PIEZO1: variants seen among roughly 807,000 people sequenced by gnomAD.
The protein encoded by PIEZO1 is piezo-type mechanosensitive ion channel component 1.
A neutral mutation model predicts 297.2 loss-of-function variants in PIEZO1; 296 were observed. The ratio of observed to expected loss-of-function variants is 1.00; its 90% CI spans 0.91 to 1.10. The LOEUF (loss-of-function observed/expected upper bound fraction) is 1.10. Ranked by LOEUF, PIEZO1 falls within the 50% of genes least tolerant of loss-of-function variation. The pLI is 0.00. For missense variants in PIEZO1, 5,018 were observed against 3,455.5 expected (o/e 1.45, Z -11.34); for synonymous variants, 2,427 against 1,507.5 (o/e 1.61, Z -14.13).
intron 2 of PIEZO1, chr16:88,743,896 T>TGGGAAGGAGGAATGGAAAACCGTCC: frequency 3.3e-6 from 1 of 303,506 alleles, no homozygotes; most frequent in South Asian, 2.6e-5. Context: ...GCAGGGAGAG[T>TGGGAAGGAGGAATGGAAAACCGTCC]GGGAAGGAGG....
At chr16:88,720,345 G>C (rs960957506) in intron 41 of PIEZO1, 40 bp downstream of exon 41, 1 of 1,550,134 alleles carries the variant, frequency 6.5e-7, no homozygotes, top group Non-Finnish European at 8.7e-7. Flanking sequence ...TGGCTGCTGA[G>C]CTCTGCGTAC....
chr16:88,730,988 GC>G (rs1194298021), intron 22 of PIEZO1, among the ~76,000 whole-genome samples: 1 of 151,450 alleles, frequency 6.6e-6, no homozygotes, highest in Non-Finnish European at 1.5e-5. Flanking sequence ...CAGGTGGGAC[GC>G]CCCTGAGCCG....
In PIEZO1 at chr16:88,721,733, G is replaced by A; in HGVS notation, c.5215-7C>T. 7 of 1,538,178 alleles carry A rather than the reference G, an allele frequency of 4.6e-6. No homozygotes were observed. The highest frequency in any genetic ancestry group is 1.2e-5 in the South Asian group (1 of 83,406). On this transcript the variant is annotated splice_polypyrimidine_tract_variant and splice_region_variant and intron_variant, in intron 37 of 50. Coordinates refer to ENST00000301015, the MANE Select transcript of PIEZO1 (RefSeq NM_001142864.4). ...ACTTGACGACCACCGCGATCTGTGG[G>A]GGAGGGGGCTCAGCACGCGGGGAGG... is the stretch of plus-strand genomic sequence containing the variant.
Position 88,721,918 on chromosome 16 carries a change from T to C in PIEZO1, c.5104A>G (p.Thr1702Ala), listed in dbSNP as rs1007749532. 3 of 1,550,048 alleles carry C rather than the reference T, an allele frequency of 1.9e-6. No individual in the cohort carries two copies. In the African/African-American group the frequency reaches 4.1e-5, roughly 21 times the overall value. ...YFIIILNHMV[T>A]ASAGSLVLPV... ...AGCACCAGCGAGCCGGCGGAGGCCG[T>C]GACCATGTGGTTGAGGATGATGATG... Residue 1702 changes from threonine (T) to alanine (A), a missense_variant, in exon 37 of 51, where the codon ACG becomes GCG. Coordinates refer to ENST00000301015, the MANE Select transcript of PIEZO1 (RefSeq NM_001142864.4).
At chr16:88,719,135 C>T (rs1035521895) in intron 44 of PIEZO1, 12 of 199,858 alleles carry the variant, frequency 6.0e-5, no homozygotes, top group Non-Finnish European at 9.4e-5. Context: ...AGGGGTGAGC[C>T]GCTGTGCCCG....
chr16:88,727,445 C>T lies in PIEZO1; in HGVS notation c.3301+112G>A, dbSNP rs902437795. On this transcript the variant is annotated intron_variant, in intron 23 of 50. Coordinates refer to ENST00000301015, the MANE Select transcript of PIEZO1 (RefSeq NM_001142864.4). Reference sequence around the variant, plus strand: ...TCAGGGCCTGCAGGCCGCCATGTGCCTGACCACACCTCCGCCCGTGCACGC... The same window carrying T: ...TCAGGGCCTGCAGGCCGCCATGTGCTTGACCACACCTCCGCCCGTGCACGC... The T allele has an allele frequency of 2.5e-5, 16 of 644,588 alleles. No homozygotes were observed. The South Asian group carries it at 3.1e-4, about 13-fold the overall frequency. The allele number at this position is 644,588 out of a possible 1,614,324, so 39.9% of individuals were successfully genotyped here.
intron 27 of PIEZO1, 48 bp downstream of exon 27, chr16:88,726,236 C>T: frequency 6.7e-7 from 1 of 1,487,684 alleles, no homozygotes; most frequent in Non-Finnish European, 9.0e-7. Flanking sequence ...ATTGCCCCCT[C>T]CCAGCCCCAA....
intron 17 of PIEZO1, 63 bp from the exon 18 acceptor site, chr16:88,733,808 G>C: frequency 1.4e-6 from 2 of 1,472,044 alleles, no homozygotes. Flanking sequence ...CTGTGAGGAA[G>C]AGGCTCTGGA....
In PIEZO1 at chr16:88,721,656, C is replaced by T. The variant is rs767483546; in HGVS notation, c.5285G>A (p.Arg1762His). 50 of 1,549,912 alleles carry T rather than the reference C, an allele frequency of 3.2e-5. No individual in the cohort carries two copies. The Middle Eastern group carries it at 5.0e-4, about 15-fold the overall frequency. ...FPWNSHVVLR[R>H]YENKPYFPPR... ...CGGGAAGTAGGGCTTGTTCTCGTAG[C>T]GCCGCAGCACCACGTGGCTGTTCCA... The change falls in exon 38 of 51, where the codon CGC becomes CAC. Residue 1762 changes from arginine to histidine, a missense_variant. By Grantham distance (29) the Arg-to-His change is conservative. Transcript: ENST00000301015.
At position 88,716,593 on chromosome 16, in the gene PIEZO1, C is replaced by A. The variant is rs760099159; in HGVS notation, c.6892G>T (p.Asp2298Tyr). Residue 2298 changes from aspartate to tyrosine, a missense_variant, in exon 47 of 51, where the codon GAC becomes TAC. Transcript: ENST00000301015. ...TTCCAGGTGAAGCGCAGGGTGATGTCGGCCGTGCCGTTGTAGAGCTCCCGC... is the reference window on the plus strand; with the variant it reads ...TTCCAGGTGAAGCGCAGGGTGATGTAGGCCGTGCCGTTGTAGAGCTCCCGC... ...MKRELYNGTADITLRFTWNFQ... is the reference protein window; with the variant it reads ...MKRELYNGTAYITLRFTWNFQ... The A allele has an allele frequency of 1.3e-6, 2 of 1,547,828 alleles. No individual in the cohort carries two copies. The highest frequency in any genetic ancestry group is 1.4e-5 in the African/African-American group (1 of 73,148).
At chr16:88,732,142 T>G (rs1002555858) in intron 21 of PIEZO1, among the ~76,000 whole-genome samples, 193 bp downstream of exon 21, 2 of 151,898 alleles carry the variant, frequency 1.3e-5, no homozygotes, top group Admixed American at 1.3e-4. Flanking sequence ...AGATCTAACT[T>G]GGCCCCCTGC....
chr16:88,743,422 C>A, intron 2 of PIEZO1: 2 of 437,278 alleles, frequency 4.6e-6, no homozygotes, highest in Admixed American at 4.8e-5. Flanking sequence ...CACCACCAGC[C>A]ACGCCCGGCC....
intron 1 of PIEZO1, among the ~76,000 whole-genome samples, chr16:88,756,607 A>G (rs544608028): frequency 6.6e-6 from 1 of 152,110 alleles, no homozygotes; most frequent in South Asian, 2.1e-4. Context: ...ATCTCTACTA[A>G]AAATACAAAA....
At position 88,732,279 on chromosome 16, in the gene PIEZO1, C is replaced by T. The variant is rs942940682; in HGVS notation, c.2991+56G>A. 1.4e-5 allele frequency: 20 copies of T among 1,444,450 alleles called. No individual in the cohort carries two copies. The East Asian group carries it at 3.5e-4, about 25-fold the overall frequency. The allele number at this position is 1,444,450 out of a possible 1,614,324, so 89.5% of individuals were successfully genotyped here. A position where few individuals can be genotyped will look rare whatever the true frequency, so the allele number is the denominator to read the frequency against. On this transcript the variant is annotated intron_variant, in intron 21 of 50. Coordinates refer to ENST00000301015, the MANE Select transcript of PIEZO1 (RefSeq NM_001142864.4). ...TGCGGTGCCTGCACGGTGCAGCCGT[C>T]CCTCCCTCCCGAAGGCCAAGCCCTG...
intron 1 of PIEZO1, among the ~76,000 whole-genome samples, chr16:88,758,945 CAT>C (rs1346194609): frequency 2.6e-5 from 4 of 152,214 alleles, no homozygotes; most frequent in Admixed American, 6.5e-5. Context: ...TGAAATTCCA[CAT>C]GTCTAGGATG....
chr16:88,736,424 G>C lies in PIEZO1; in HGVS notation c.1297-16C>G. On this transcript the variant is annotated splice_polypyrimidine_tract_variant and intron_variant, in intron 11 of 50. Transcript: ENST00000301015. ...TGCTCCATACCTGCGCGGCAGAGAGGGCTGCACAGCTGCCCAGCGCACCCC... is the reference window on the plus strand; with the variant it reads ...TGCTCCATACCTGCGCGGCAGAGAGCGCTGCACAGCTGCCCAGCGCACCCC... The C allele has an allele frequency of 8.5e-7, 1 of 1,173,966 alleles. No homozygotes were observed. The highest frequency in any genetic ancestry group is 1.2e-6 in the Non-Finnish European group (1 of 826,054). 72.7% of individuals were successfully genotyped at this position (1,173,966 alleles called of 1,614,324 possible). A position where few individuals can be genotyped will look rare whatever the true frequency, so the allele number is the denominator to read the frequency against.
chr16:88,719,498 T>G, intron 44 of PIEZO1, 76 bp downstream of exon 44: 1 of 1,400,592 alleles, frequency 7.1e-7, no homozygotes, highest in Non-Finnish European at 9.8e-7. Context: ...CGGGTTCTCG[T>G]GGCAGCAGTG....
intron 1 of PIEZO1, among the ~76,000 whole-genome samples, chr16:88,773,647 C>A (rs944853540): frequency 1.3e-5 from 2 of 150,900 alleles, no homozygotes; most frequent in African/African-American, 2.5e-5. Flanking sequence ...TATTGGGTGA[C>A]AGGCAGGTCG....
Position 88,742,435 on chromosome 16 carries a change from G to T in PIEZO1, c.161-13C>A, listed in dbSNP as rs777727042. 4 of 1,533,940 alleles carry T rather than the reference G, an allele frequency of 2.6e-6. 1 individual carries two copies. The Middle Eastern group carries it at 5.7e-4, about 219-fold the overall frequency. Reference sequence around the variant, plus strand: ...CGGCCTGTGTGACCTGCGGCAGAGCGAGTGGGTGAGGCTGGTCCCGGGGAC... The same window carrying T: ...CGGCCTGTGTGACCTGCGGCAGAGCTAGTGGGTGAGGCTGGTCCCGGGGAC... On this transcript the variant is annotated splice_polypyrimidine_tract_variant and intron_variant, in intron 2 of 50. Transcript: ENST00000301015.
Sources: allele counts gnomAD v4.1 joint callset (sites outside exome capture counted in the v4.1 genomes callset), GRCh38; gene constraint gnomAD v4.1.1; transcripts MANE v1.5; gene names NCBI Gene and HGNC (gene_info 2026-07-23, HGNC 2026-07-21).